The following ARL13B variants were observed in gnomAD, a reference collection of about 807,000 sequenced individuals.
ARL13B encodes the protein ARF like GTPase 13B.
In ARL13B, 36 loss-of-function variants were observed where a neutral mutation model predicts 56.1. That is an observed-to-expected ratio of 0.64 (90% CI 0.49 to 0.85). The LOEUF is 0.85. Ranked by LOEUF, ARL13B falls within the 40% of genes least tolerant of loss-of-function variation. ARL13B has a pLI of 0.00. For missense variants in ARL13B, 519 were observed against 507.1 expected (o/e 1.02, Z -0.23); for synonymous variants, 178 against 171.1 (o/e 1.04, Z -0.32).
At chr3:94,039,691 A>G (rs766942649) in intron 5 of ARL13B, among the ~76,000 whole-genome samples, 189 bp from the exon 6 acceptor site, 81 of 152,150 alleles carry the variant, frequency 5.3e-4, no homozygotes, top group Admixed American at 1.2e-3. Context: ...AATTGAAATG[A>G]TTAGTCTTTA....
At chr3:94,027,604 T>C (rs1006110696) in intron 3 of ARL13B, among the ~76,000 whole-genome samples, 1 of 152,074 alleles carries the variant, frequency 6.6e-6, no homozygotes, top group Non-Finnish European at 1.5e-5. Flanking sequence ...AAAATACATA[T>C]AAAAGTCATT....
intron 1 of ARL13B, among the ~76,000 whole-genome samples, chr3:93,993,544 C>T (rs1158454553): frequency 3.3e-5 from 5 of 152,166 alleles, no homozygotes; most frequent in African/African-American, 7.2e-5. Context: ...TCTCAGCCTC[C>T]GGAGTGGCTG....
chr3:94,038,486 CTTT>C (rs773096232), intron 5 of ARL13B, among the ~76,000 whole-genome samples: 3 of 32,748 alleles, frequency 9.2e-5, no homozygotes, highest in Non-Finnish European at 1.5e-4. Context: ...GTGTTTCTTT[CTTT>C]TTTTTTTTTT....
chr3:94,005,331 A>G (rs1181639174), intron 3 of ARL13B, among the ~76,000 whole-genome samples: 1 of 152,306 alleles, frequency 6.6e-6, no homozygotes, highest in Admixed American at 6.5e-5. Context: ...CAGAAAGCCT[A>G]TGGTGGTAGT....
chr3:94,049,641 G>C, intron 8 of ARL13B, 119 bp downstream of exon 8: 1 of 687,678 alleles, frequency 1.5e-6, no homozygotes, highest in Non-Finnish European at 2.3e-6. Flanking sequence ...TTGTATACTT[G>C]TGAAGAAGAA....
rs991954473 is a variant in ARL13B at position 94,043,155 on chromosome 3, A to T, written c.939A>T (p.Glu313Asp). 2.0e-5 allele frequency: 33 copies of T among 1,613,744 alleles called. No individual in the cohort carries two copies. The highest frequency in any genetic ancestry group is 2.8e-5 in the Non-Finnish European group (33 of 1,179,916). Residue 313 changes from glutamate to aspartate, a missense_variant, in exon 7 of 10, where the codon GAA becomes GAT. Coordinates refer to ENST00000394222, the MANE Select transcript of ARL13B (RefSeq NM_001174150.2). Reference protein sequence around the residue: ...QVNHNGQKNNEFGLVENYKEA... With the variant: ...QVNHNGQKNNDFGLVENYKEA... ...ATCACAATGGCCAAAAAAATAATGA[A>T]TTTGGACTAGTAGAAAATTATAAGG...
intron 1 of ARL13B, among the ~76,000 whole-genome samples, chr3:93,989,911 A>G (rs2075837092): frequency 6.6e-6 from 1 of 152,210 alleles, no homozygotes; most frequent in South Asian, 2.1e-4. Context: ...GATGACTATA[A>G]TATTAGGAGT....
intron 1 of ARL13B, among the ~76,000 whole-genome samples, chr3:93,992,905 C>A (rs538228509): frequency 9.2e-5 from 14 of 151,984 alleles, no homozygotes; most frequent in Middle Eastern, 6.8e-3. Flanking sequence ...TCGATTCTCG[C>A]AGCTCAGCCT....
intron 1 of ARL13B, among the ~76,000 whole-genome samples, chr3:93,992,965 G>C (rs1382778023): frequency 7.0e-6 from 1 of 142,506 alleles, no homozygotes; most frequent in Non-Finnish European, 1.5e-5. Flanking sequence ...GCTAATTTTT[G>C]TATTTTTTTT....
chr3:94,028,584 A>G (rs1211365231), intron 3 of ARL13B: 1 of 152,260 alleles, frequency 6.6e-6, no homozygotes, highest in African/African-American at 2.4e-5. Context: ...GTTAATAGCA[A>G]GTGAAAATAG....
chr3:93,984,653 T>C (rs1710364294), intron 1 of ARL13B, among the ~76,000 whole-genome samples: 1 of 152,232 alleles, frequency 6.6e-6, no homozygotes, highest in Non-Finnish European at 1.5e-5. Context: ...ATCAGTTGTA[T>C]AATATTGCAA....
At chr3:94,009,874 A>T (rs2076195717) in intron 3 of ARL13B, among the ~76,000 whole-genome samples, 1 of 152,126 alleles carries the variant, frequency 6.6e-6, no homozygotes, top group Admixed American at 6.5e-5. Context: ...TTTGTAGGTA[A>T]TTTAAGTACT....
chr3:94,044,010 C>T (rs1208367093), intron 7 of ARL13B, among the ~76,000 whole-genome samples: 1 of 152,024 alleles, frequency 6.6e-6, no homozygotes, highest in Admixed American at 6.5e-5. Flanking sequence ...TCGCTACAAC[C>T]TCCACCTCCC....
intron 1 of ARL13B, among the ~76,000 whole-genome samples, chr3:93,989,510 A>T (rs963332575): frequency 6.6e-6 from 1 of 151,562 alleles, no homozygotes; most frequent in African/African-American, 2.4e-5. Context: ...CCAAATTGAG[A>T]CTTGATTCTC....
At chr3:94,014,262 TTA>T in intron 3 of ARL13B, 1 of 791,102 alleles carries the variant, frequency 1.3e-6, no homozygotes. Flanking sequence ...AAGGGGAAAA[TTA>T]CAACTTAACA....
intron 3 of ARL13B, among the ~76,000 whole-genome samples, chr3:94,030,784 C>A (rs577567537): frequency 7.5e-4 from 114 of 152,202 alleles, no homozygotes; most frequent in African/African-American, 2.7e-3. Context: ...ATTTAGTAAT[C>A]ATATTGATAT....
intron 3 of ARL13B, among the ~76,000 whole-genome samples, chr3:94,006,300 A>C (rs1432817664): frequency 6.6e-6 from 1 of 152,188 alleles, no homozygotes; most frequent in Non-Finnish European, 1.5e-5. Context: ...TGTTTCAAAA[A>C]TAAATAAATA....
chr3:94,017,840 G>A (rs943803087), intron 3 of ARL13B, among the ~76,000 whole-genome samples: 4 of 152,054 alleles, frequency 2.6e-5, no homozygotes, highest in Non-Finnish European at 5.9e-5. Flanking sequence ...ATATGTTTTA[G>A]GAACAGAGTT....
At chr3:93,981,269 G>A (rs1193620624) in intron 1 of ARL13B, among the ~76,000 whole-genome samples, 2 of 152,162 alleles carry the variant, frequency 1.3e-5, no homozygotes, top group South Asian at 2.1e-4. Context: ...TGAAACTGAG[G>A]CCTAACCTAT....
Sources: allele counts gnomAD v4.1 joint callset (sites outside exome capture counted in the v4.1 genomes callset), GRCh38; gene constraint gnomAD v4.1.1; transcripts MANE v1.5; gene names NCBI Gene and HGNC (gene_info 2026-07-23, HGNC 2026-07-21).